POPDC2: variants seen among roughly 807,000 people sequenced by gnomAD.
POPDC2 encodes popeye domain cAMP effector 2.
A neutral mutation model predicts 30.5 loss-of-function variants in POPDC2; 24 were observed. The observed-to-expected ratio is 0.79, with a 90% CI of 0.57 to 1.11. POPDC2 has a LOEUF of 1.11. POPDC2 is among the 50% of genes least tolerant of loss of function. The pLI, the probability that POPDC2 is intolerant of heterozygous loss-of-function variation, is 0.00. For missense variants in POPDC2, 409 were observed against 447.0 expected (o/e 0.91, Z 0.77); for synonymous variants, 185 against 183.3 (o/e 1.01, Z -0.07).
At position 119,660,454 on chromosome 3, in the gene POPDC2, C is replaced by T. The variant is rs764223819; in HGVS notation, c.-31G>A. The stretch of plus-strand genomic sequence containing the variant: ...GGGCCTCTCAAAGCCTCACTGGGCT[C>T]TAATACTGTCCTCACATAGGAAATT... On this transcript the variant is annotated 5_prime_UTR_variant, in exon 1 of 4. Coordinates refer to ENST00000493094, the MANE Select transcript of POPDC2 (RefSeq NM_001369919.2). 6.3e-7 allele frequency: 1 copy of T among 1,583,978 alleles called. No homozygotes were observed. The highest frequency in any genetic ancestry group is 8.6e-7 in the Non-Finnish European group (1 of 1,163,170).
In POPDC2 at chr3:119,646,223, A is replaced by C. The variant is rs571455086; in HGVS notation, c.*43+1896T>G. ...ACAGCAAGGCAAAAAAGGTGGGAAA[A>C]AGAAAAAAGGAGGTAATAGGAGAGA... On this transcript the variant is annotated intron_variant, in intron 3 of 3. Transcript: ENST00000493094. Among the ~76,000 whole-genome samples the C allele has an allele frequency of 2.0e-5, 3 of 152,290 alleles. No homozygotes were observed. The East Asian group carries it at 5.8e-4, about 29-fold the overall frequency.
chr3:119,655,075 C>G (rs1260950300), intron 1 of POPDC2, among the ~76,000 whole-genome samples: 2 of 152,168 alleles, frequency 1.3e-5, no homozygotes, highest in African/African-American at 2.4e-5. Context: ...ACCTGTAATC[C>G]CAGCACTTTG....
chr3:119,647,068 C>T (rs751106964), intron 3 of POPDC2, among the ~76,000 whole-genome samples: 1 of 152,210 alleles, frequency 6.6e-6, no homozygotes, highest in Non-Finnish European at 1.5e-5. Context: ...AACTAAATCT[C>T]TAACCTTTCA....
intron 2 of POPDC2, among the ~76,000 whole-genome samples, chr3:119,651,866 C>T (rs2052815312): frequency 6.6e-6 from 1 of 152,144 alleles, no homozygotes; most frequent in African/African-American, 2.4e-5. Flanking sequence ...AAACTCCTGA[C>T]CTCATAATCC....
At chr3:119,645,807 T>A (rs910584334) in intron 3 of POPDC2, among the ~76,000 whole-genome samples, 2 of 152,204 alleles carry the variant, frequency 1.3e-5, no homozygotes, top group African/African-American at 4.8e-5. Flanking sequence ...TCTACTGTAC[T>A]GCGGACTGAC....
intron 2 of POPDC2, among the ~76,000 whole-genome samples, chr3:119,652,642 G>A (rs1021671629): frequency 2.0e-5 from 3 of 152,346 alleles, no homozygotes; most frequent in East Asian, 1.9e-4. Flanking sequence ...AAAGAGGCCT[G>A]GTCCAGCTGG....
chr3:119,648,770 CTGAAGA>C, intron 2 of POPDC2, 102 bp from the exon 3 acceptor site: 1 of 1,039,752 alleles, frequency 9.6e-7, no homozygotes, highest in Non-Finnish European at 1.4e-6. Flanking sequence ...TGTACTTTTA[CTGAAGA>C]AGCTGTGTGG....
In POPDC2 at chr3:119,642,431, C is replaced by A; in HGVS notation, c.*174G>T. 1.4e-6 allele frequency: 2 copies of A among 1,396,858 alleles called. No homozygotes were observed. The highest frequency in any genetic ancestry group is 2.0e-6 in the Non-Finnish European group (2 of 985,876). The allele number at this position is 1,396,858 out of a possible 1,614,324, so 86.5% of individuals were successfully genotyped here. A position where few individuals can be genotyped will look rare whatever the true frequency, so the allele number is the denominator to read the frequency against. ...CCTATCAGTGGCCATTCTGTGAACACAGAAGAGAGCTGCGCTGGCCACAGA... is the reference window on the plus strand; with the variant it reads ...CCTATCAGTGGCCATTCTGTGAACAAAGAAGAGAGCTGCGCTGGCCACAGA... On this transcript the variant is annotated 3_prime_UTR_variant, in exon 4 of 4. Coordinates refer to ENST00000493094, the MANE Select transcript of POPDC2 (RefSeq NM_001369919.2).
At chr3:119,651,775 A>G (rs2052814060) in intron 2 of POPDC2, among the ~76,000 whole-genome samples, 1 of 152,006 alleles carries the variant, frequency 6.6e-6, no homozygotes. Flanking sequence ...AGCTGGGATT[A>G]TAGGCACCTG....
At position 119,656,825 on chromosome 3, in the gene POPDC2, T is replaced by A. The variant is rs2052884855; in HGVS notation, c.492-2212A>T. 2.0e-5 allele frequency among the ~76,000 whole-genome samples: 3 copies of A among 152,232 alleles called. No homozygotes were observed. The South Asian group carries it at 6.2e-4, about 32-fold the overall frequency. ...ACACCTTGTTCATTTGGGGGAGATA[T>A]CCTTCCATTATTTCTGGAGGTTTAT... is the stretch of plus-strand genomic sequence containing the variant. On this transcript the variant is annotated intron_variant, in intron 1 of 3. Transcript: ENST00000493094.
chr3:119,657,476 G>A (rs989793426), intron 1 of POPDC2, among the ~76,000 whole-genome samples: 2 of 152,146 alleles, frequency 1.3e-5, no homozygotes, highest in Non-Finnish European at 2.9e-5. Context: ...ATGTATGGAA[G>A]GGGGAAAAGA....
intron 1 of POPDC2, among the ~76,000 whole-genome samples, chr3:119,654,885 G>A (rs1428189221): frequency 6.6e-6 from 1 of 152,096 alleles, no homozygotes; most frequent in Admixed American, 6.5e-5. Context: ...AGAAGTCCCA[G>A]GGAAGCTTTT....
At chr3:119,660,662 C>CG (rs2052933526), upstream of POPDC2, 4 of 272,012 alleles carry the variant, frequency 1.5e-5, no homozygotes, top group East Asian at 1.9e-4. Context: ...CTCTCCCCCC[C>CG]TCTCTCCTCC....
chr3:119,659,045 T>A (rs938314158), intron 1 of POPDC2, among the ~76,000 whole-genome samples: 2 of 151,738 alleles, frequency 1.3e-5, no homozygotes, highest in Non-Finnish European at 2.9e-5. Context: ...TAGGGCAGTA[T>A]AAAAAAATCC....
rs748100715 is a variant in POPDC2 at position 119,660,394 on chromosome 3, C to T, written c.30G>A (p.Gln10=). 6.2e-7 allele frequency: 1 copy of T among 1,613,336 alleles called. No homozygotes were observed. Among genetic ancestry groups the T allele is most frequent in the South Asian group, 1.1e-5 (1 of 91,028 alleles). The change falls in exon 1 of 4, where the codon CAG becomes CAA. Residue 10 remains glutamine, a synonymous_variant. Coordinates refer to ENST00000493094, the MANE Select transcript of POPDC2 (RefSeq NM_001369919.2). ...TGCACGCTGAACCCTGCAAGAGAAG[C>T]TGGCCCACTCTGCTGCTGTTGGCGC... MSANSSRVG[Q]LLLQGSACIR...
At chr3:119,647,783 TA>T (rs1329085032) in intron 3 of POPDC2, among the ~76,000 whole-genome samples, 1 of 152,212 alleles carries the variant, frequency 6.6e-6, no homozygotes, top group Admixed American at 6.5e-5. Context: ...CTTTTTCTTT[TA>T]AAATGCATGC....
At chr3:119,648,013 G>T in intron 3 of POPDC2, 106 bp downstream of exon 3, 1 of 929,912 alleles carries the variant, frequency 1.1e-6, no homozygotes, top group Non-Finnish European at 1.5e-6. Context: ...CTTTCTGTGA[G>T]TCCTCTAAGA....
rs747418759 is a variant in POPDC2, at chr3:119,648,349, G to A, written c.920C>T (p.Thr307Ile). The change falls in exon 3 of 4, where the codon ACA becomes ATA. Residue 307 changes from threonine (T) to isoleucine (I), a missense_variant. Coordinates refer to ENST00000493094, the MANE Select transcript of POPDC2 (RefSeq NM_001369919.2). Reference protein sequence around the residue: ...PQATPTSLQQTPPCSTPPATT... With the variant: ...PQATPTSLQQIPPCSTPPATT... ...AGCTGGAGGGGTAGAACAAGGGGGT[G>A]TTTGCTGGAGAGAGGTGGGTGTGGC... is the stretch of plus-strand genomic sequence containing the variant. 5.6e-6 allele frequency: 9 copies of A among 1,614,162 alleles called. No homozygotes were observed. The highest frequency in any genetic ancestry group is 1.1e-5 in the South Asian group (1 of 91,086).
intron 1 of POPDC2, among the ~76,000 whole-genome samples, chr3:119,655,805 A>G (rs1412287269): frequency 6.6e-6 from 1 of 152,226 alleles, no homozygotes; most frequent in African/African-American, 2.4e-5. Flanking sequence ...TTCTTAGCAC[A>G]ACACCATGTT....
Sources: allele counts gnomAD v4.1 joint callset (sites outside exome capture counted in the v4.1 genomes callset), GRCh38; gene constraint gnomAD v4.1.1; transcripts MANE v1.5; gene names NCBI Gene and HGNC (gene_info 2026-07-23, HGNC 2026-07-21).